Variants in IL1RAPL1 observed in about 807,000 individuals in gnomAD.
The protein encoded by IL1RAPL1 is interleukin-1 receptor accessory protein-like 1.
Under a neutral mutation model 48.4 loss-of-function variants are expected in IL1RAPL1, and 3 were observed. The ratio of observed to expected loss-of-function variants is 0.06; its 90% confidence interval spans 0.03 to 0.16. IL1RAPL1 has a LOEUF of 0.16. Among genes scored for constraint, IL1RAPL1 ranks in the 10% least tolerant of loss-of-function variants. The probability of loss-of-function intolerance (pLI) is 1.00; values close to 1 mark genes in which losing one functional copy is unlikely to be tolerated. For missense variants in IL1RAPL1, 349 were observed against 530.6 expected (o/e 0.66, Z 3.36); for synonymous variants, 185 against 187.7 (o/e 0.99, Z 0.12).
chrX:29,588,307 T>G (rs923303235), intron 5 of IL1RAPL1, among the ~76,000 whole-genome samples: 1 of 112,386 alleles, frequency 8.9e-6, no homozygotes, highest in African/African-American at 3.2e-5. Flanking sequence ...TATGGTGTAA[T>G]GGATAAGGCT....
chrX:28,744,904 C>T (rs1935955283), intron 1 of IL1RAPL1, among the ~76,000 whole-genome samples: 1 of 110,690 alleles, frequency 9.0e-6, no homozygotes, highest in Admixed American at 9.7e-5. Context: ...TTAGTATAAG[C>T]GCAAGGAGAC....
chrX:28,660,759 C>T (rs933980604), intron 1 of IL1RAPL1, among the ~76,000 whole-genome samples: 23 of 111,169 alleles, frequency 2.1e-4, no homozygotes, highest in Non-Finnish European at 2.8e-4. Flanking sequence ...CAGCTTATAT[C>T]GAAGAAAAGT....
intron 2 of IL1RAPL1, among the ~76,000 whole-genome samples, chrX:29,240,222 A>C (rs1482061421): frequency 5.7e-5 from 1 of 17,564 alleles, no homozygotes; most frequent in African/African-American, 2.7e-4. Flanking sequence ...ATATATATAT[A>C]TATTTTTTTT....
chrX:29,318,641 G>A (rs1377820180), intron 3 of IL1RAPL1, among the ~76,000 whole-genome samples: 1 of 112,672 alleles, frequency 8.9e-6, no homozygotes, highest in Non-Finnish European at 1.9e-5. Context: ...TTGGTAGGCT[G>A]AAAGAATAAC....
intron 2 of IL1RAPL1, among the ~76,000 whole-genome samples, chrX:29,017,876 TC>T (rs1926277058): frequency 8.9e-6 from 1 of 111,796 alleles, no homozygotes; most frequent in South Asian, 3.7e-4. Flanking sequence ...TATTTTAGAT[TC>T]CCCTTTCTTC....
chrX:29,782,479 A>C (rs1465442948), intron 6 of IL1RAPL1, among the ~76,000 whole-genome samples: 1 of 111,540 alleles, frequency 9.0e-6, no homozygotes, highest in Non-Finnish European at 1.9e-5. Flanking sequence ...TATACTTTGT[A>C]CTAAAGATAT....
At chrX:29,558,347 A>G (rs1487898541) in intron 5 of IL1RAPL1, among the ~76,000 whole-genome samples, 1 of 111,933 alleles carries the variant, frequency 8.9e-6, no homozygotes, top group African/African-American at 3.2e-5. Flanking sequence ...TGAGAAACAT[A>G]TATTAAATTC....
intron 2 of IL1RAPL1, among the ~76,000 whole-genome samples, chrX:28,895,941 G>T: frequency 8.9e-6 from 1 of 112,089 alleles, no homozygotes; most frequent in East Asian, 2.8e-4. Flanking sequence ...GCTCCCAGGT[G>T]AGTTGAACAG....
chrX:29,949,067 C>T (rs1386329423), intron 9 of IL1RAPL1, among the ~76,000 whole-genome samples: 2 of 111,550 alleles, frequency 1.8e-5, no homozygotes, highest in African/African-American at 6.5e-5. Flanking sequence ...AAAATAATCC[C>T]GCAGATTCCT....
chrX:29,579,029 G>T (rs1268677293), intron 5 of IL1RAPL1, among the ~76,000 whole-genome samples: 1 of 111,277 alleles, frequency 9.0e-6, no homozygotes, highest in Non-Finnish European at 1.9e-5. Context: ...GGGATGAAGG[G>T]GTTGACTGAG....
intron 5 of IL1RAPL1, among the ~76,000 whole-genome samples, chrX:29,610,406 T>C (rs1924051119): frequency 8.9e-6 from 1 of 112,018 alleles, no homozygotes; most frequent in Non-Finnish European, 1.9e-5. Context: ...GTAGACAGCA[T>C]ATTAATTTGC....
At chrX:28,972,547 G>A (rs1925105991) in intron 2 of IL1RAPL1, among the ~76,000 whole-genome samples, 2 of 110,638 alleles carry the variant, frequency 1.8e-5, no homozygotes, top group South Asian at 7.8e-4. Context: ...GACCATCCTG[G>A]CTAATACAGT....
chrX:28,895,867 G>A (rs1046949475), intron 2 of IL1RAPL1, among the ~76,000 whole-genome samples: 8 of 112,233 alleles, frequency 7.1e-5, no homozygotes, highest in African/African-American at 2.3e-4. Flanking sequence ...CTGCTAAGCC[G>A]AGAAGATCTG....
At chrX:29,283,288 G>A in intron 3 of IL1RAPL1, 71 bp downstream of exon 3, 1 of 1,070,119 alleles carries the variant, frequency 9.3e-7, no homozygotes, top group Non-Finnish European at 1.3e-6. Flanking sequence ...AAATGTTGCT[G>A]CTATCTCTTT....
chrX:29,365,841 C>T (rs111412830), intron 3 of IL1RAPL1, among the ~76,000 whole-genome samples: 1 of 110,436 alleles, frequency 9.1e-6, no homozygotes, highest in Non-Finnish European at 1.9e-5. Context: ...GAGTTCAAGA[C>T]CAGCCTGGCC....
chrX:28,630,292 C>A (rs1015947643), intron 1 of IL1RAPL1, among the ~76,000 whole-genome samples: 3 of 111,585 alleles, frequency 2.7e-5, no homozygotes, highest in African/African-American at 9.8e-5. Context: ...TTTTCCCAAG[C>A]CCTAATTCAC....
At chrX:29,137,516 G>A (rs1274570470) in intron 2 of IL1RAPL1, among the ~76,000 whole-genome samples, 1 of 111,765 alleles carries the variant, frequency 8.9e-6, no homozygotes, top group Non-Finnish European at 1.9e-5. Context: ...ACATTTATCA[G>A]GTGGTACAAT....
intron 5 of IL1RAPL1, among the ~76,000 whole-genome samples, chrX:29,403,389 T>C (rs1934018528): frequency 9.1e-6 from 1 of 110,269 alleles, no homozygotes; most frequent in Admixed American, 9.8e-5. Context: ...ACTTTCCTAC[T>C]TTCTGGCCCT....
intron 5 of IL1RAPL1, among the ~76,000 whole-genome samples, chrX:29,490,888 C>G (rs192006773): frequency 1.4e-3 from 132 of 95,429 alleles, no homozygotes; most frequent in African/African-American, 6.6e-3. Context: ...TTTTGCAGCT[C>G]TAGTTTTTTA....
Sources: allele counts gnomAD v4.1 joint callset (sites outside exome capture counted in the v4.1 genomes callset), GRCh38; gene constraint gnomAD v4.1.1; transcripts MANE v1.5; gene names NCBI Gene and HGNC (gene_info 2026-07-23, HGNC 2026-07-21).